Variants in ATG10 observed in about 807,000 individuals in gnomAD.
The protein encoded by ATG10 is ubiquitin-like-conjugating enzyme ATG10.
ATG10 carries 30 observed loss-of-function variants against 32.1 expected under a neutral mutation model. The observed-to-expected ratio is 0.94, with a 90% CI of 0.70 to 1.27. ATG10 has a LOEUF of 1.27. Among genes scored for constraint, ATG10 ranks in the 50% most tolerant of loss-of-function variants. ATG10 has a pLI of 0.00. For synonymous variants in ATG10, 87 were observed against 91.5 expected (o/e 0.95, Z 0.28); for missense variants, 233 against 262.3 (o/e 0.89, Z 0.77).
chr5:82,207,267 T>G (rs1293137234), intron 5 of ATG10, among the ~76,000 whole-genome samples: 1 of 152,234 alleles, frequency 6.6e-6, no homozygotes, highest in Non-Finnish European at 1.5e-5. Context: ...TATCAATATA[T>G]AAATTCCCAT....
At chr5:82,006,126 T>G (rs1286106773) in intron 2 of ATG10, among the ~76,000 whole-genome samples, 2 of 152,218 alleles carry the variant, frequency 1.3e-5, no homozygotes, top group Non-Finnish European at 2.9e-5. Flanking sequence ...AGCTTTTCTC[T>G]TTCATATTAC....
chr5:82,010,155 T>C (rs1206434426), intron 2 of ATG10: 3 of 1,349,894 alleles, frequency 2.2e-6, no homozygotes, highest in Non-Finnish European at 3.2e-6. Flanking sequence ...TTATATTTCT[T>C]GTCCTCAAGG....
intron 5 of ATG10, among the ~76,000 whole-genome samples, chr5:82,218,062 C>T (rs1020739845): frequency 4.1e-5 from 6 of 146,986 alleles, no homozygotes; most frequent in Non-Finnish European, 7.7e-5. Context: ...TACACACACA[C>T]ACACACACAC....
intron 5 of ATG10, among the ~76,000 whole-genome samples, chr5:82,252,240 A>G (rs1187202564): frequency 6.6e-6 from 1 of 152,232 alleles, no homozygotes; most frequent in Non-Finnish European, 1.5e-5. Flanking sequence ...GAAAAACTGA[A>G]GAATAATGAT....
At chr5:82,100,002 T>TG (rs1765208630) in intron 3 of ATG10, among the ~76,000 whole-genome samples, 1 of 118,462 alleles carries the variant, frequency 8.4e-6, no homozygotes, top group African/African-American at 3.5e-5. Flanking sequence ...TTTTCTGTGT[T>TG]TTTTTTTTTT....
chr5:82,103,573 C>T (rs946061580), intron 3 of ATG10, among the ~76,000 whole-genome samples: 1 of 151,976 alleles, frequency 6.6e-6, no homozygotes, highest in African/African-American at 2.4e-5. Context: ...TTCCCCTGCC[C>T]CCAGGGACTT....
intron 2 of ATG10, among the ~76,000 whole-genome samples, chr5:82,026,446 ATTTTAT>A (rs1762598038): frequency 6.6e-6 from 1 of 152,016 alleles, no homozygotes; most frequent in South Asian, 2.1e-4. Context: ...CAATATTTGT[ATTTTAT>A]TTCTATTTTG....
intron 3 of ATG10, among the ~76,000 whole-genome samples, chr5:82,141,567 C>T (rs1767140850): frequency 6.6e-6 from 1 of 151,164 alleles, no homozygotes; most frequent in African/African-American, 2.4e-5. Context: ...CATAATATAC[C>T]CAGAAAAGAC....
At chr5:82,045,144 T>C (rs1438946240) in intron 2 of ATG10, among the ~76,000 whole-genome samples, 3 of 152,230 alleles carry the variant, frequency 2.0e-5, no homozygotes, top group South Asian at 2.1e-4. Context: ...GTTCAGTGTT[T>C]GAAAACTCCA....
chr5:82,059,498 T>C (rs1763702890), intron 3 of ATG10, among the ~76,000 whole-genome samples: 1 of 152,036 alleles, frequency 6.6e-6, no homozygotes, highest in Non-Finnish European at 1.5e-5. Context: ...AATGCCTCCA[T>C]TGCATTCCAT....
At chr5:82,063,155 C>T (rs1763835950) in intron 3 of ATG10, among the ~76,000 whole-genome samples, 1 of 151,954 alleles carries the variant, frequency 6.6e-6, no homozygotes, top group Non-Finnish European at 1.5e-5. Flanking sequence ...TCCATCACTA[C>T]AAAAACAAGA....
At chr5:82,100,678 A>G (rs766762880) in intron 3 of ATG10, among the ~76,000 whole-genome samples, 5 of 151,846 alleles carry the variant, frequency 3.3e-5, no homozygotes, top group Non-Finnish European at 7.4e-5. Flanking sequence ...CTAAAGTTCT[A>G]TACTTATGTT....
At chr5:82,225,523 A>G (rs572114234) in intron 5 of ATG10, among the ~76,000 whole-genome samples, 3 of 152,374 alleles carry the variant, frequency 2.0e-5, no homozygotes, top group Non-Finnish European at 4.4e-5. Flanking sequence ...TTCCAAGTCC[A>G]TCTAGCTGCT....
At chr5:81,981,000 C>T (rs1236640326) in intron 1 of ATG10, among the ~76,000 whole-genome samples, 2 of 152,164 alleles carry the variant, frequency 1.3e-5, no homozygotes, top group Non-Finnish European at 2.9e-5. Context: ...TGTTGCCTCT[C>T]ATTTAAACTT....
At chr5:82,011,281 T>TA (rs1472335503) in intron 2 of ATG10, among the ~76,000 whole-genome samples, 8 of 152,162 alleles carry the variant, frequency 5.3e-5, no homozygotes, top group African/African-American at 1.9e-4. Flanking sequence ...CCTCAATACA[T>TA]ATACTGAATG....
chr5:82,064,992 TG>T (rs771706678), intron 3 of ATG10, among the ~76,000 whole-genome samples: 1 of 152,330 alleles, frequency 6.6e-6, no homozygotes, highest in East Asian at 1.9e-4. Flanking sequence ...GATTATGTTC[TG>T]GCTTTTGTTA....
intron 3 of ATG10, among the ~76,000 whole-genome samples, chr5:82,104,433 CT>C (rs1055009658): frequency 4.2e-4 from 63 of 149,138 alleles, no homozygotes; most frequent in African/African-American, 1.2e-3. Flanking sequence ...TGCTAAAATA[CT>C]TTTTTTTTTC....
At chr5:82,173,381 CAAATT>C (rs1418702379) in intron 4 of ATG10, among the ~76,000 whole-genome samples, 4 of 152,136 alleles carry the variant, frequency 2.6e-5, no homozygotes, top group Non-Finnish European at 4.4e-5. Flanking sequence ...ATGAAAATGT[CAAATT>C]AAATGCTACT....
At chr5:82,158,939 A>G (rs1767916934) in intron 3 of ATG10, among the ~76,000 whole-genome samples, 1 of 152,046 alleles carries the variant, frequency 6.6e-6, no homozygotes, top group Non-Finnish European at 1.5e-5. Context: ...GATGCCTGAA[A>G]CCATAGATAA....
Sources: gnomAD v4.1 joint callset for allele counts (sites outside exome capture counted in the v4.1 genomes callset) on GRCh38, gnomAD v4.1.1 for gene constraint, MANE v1.5 for transcripts, NCBI Gene and HGNC (gene_info 2026-07-23, HGNC 2026-07-21) for gene names.